ARSK: variants seen among roughly 807,000 people sequenced by gnomAD.
ARSK encodes the protein arylsulfatase K.
ARSK carries 37 observed loss-of-function variants against 53.2 expected under a neutral mutation model. The ratio of observed to expected loss-of-function variants is 0.70; its 90% CI spans 0.54 to 0.92. The LOEUF is 0.92. Ranked by LOEUF, ARSK falls within the 40% of genes least tolerant of loss-of-function variation. The probability of loss-of-function intolerance (pLI) is 0.00; values close to 1 mark genes in which losing one functional copy is unlikely to be tolerated. For missense variants in ARSK, 613 were observed against 643.0 expected, an observed-to-expected ratio of 0.95 and a Z score of 0.51; for synonymous variants, 208 against 223.2, an observed-to-expected ratio of 0.93 and a Z score of 0.61.
chr5:95,568,077 T>C lies in ARSK; in HGVS notation c.416+28T>C, dbSNP rs375471036. On this transcript the variant is annotated intron_variant, in intron 3 of 7. Coordinates refer to ENST00000380009, the MANE Select transcript of ARSK (RefSeq NM_198150.3). ...AAAAATAAAACAAAAATAATCATCA[T>C]GGACTGCCCTCTGCCATAGCGTGTA... is the stretch of plus-strand genomic sequence containing the variant. 1.2e-4 allele frequency: 191 copies of C among 1,608,308 alleles called. 1 individual carries two copies. In the Admixed American group the frequency reaches 2.3e-3, roughly 20 times the overall value.
Position 95,592,901 on chromosome 5 carries a change from C to A in ARSK, c.1096+1276C>A, listed in dbSNP as rs559178538. ...TCTTAGTCATCATTTGCTGGTTTCC[C>A]TTTATCCCAAAGTAATGATCACACT... On this transcript the variant is annotated intron_variant, in intron 6 of 7. Transcript: ENST00000380009. Among the ~76,000 whole-genome samples the A allele has an allele frequency of 1.1e-3, 172 of 152,134 alleles. 2 individuals are homozygous for A. Among genetic ancestry groups the A allele is most frequent in the Non-Finnish European group, 1.8e-3 (123 of 67,960 alleles).
chr5:95,586,666 A>G lies in ARSK; in HGVS notation c.804A>G (p.Thr268=), dbSNP rs1198392025. ...SYTKNCTGRF[T]KKEIKNIRAF... ...CAAAAAACTGCACTGGAAGATTTACAAAAAAAGAAATTAAGAATATTAGAG... is the reference window on the plus strand; with the variant it reads ...CAAAAAACTGCACTGGAAGATTTACGAAAAAAGAAATTAAGAATATTAGAG... The change falls in exon 5 of 8, where the codon ACA becomes ACG. Residue 268 remains threonine (T), a synonymous_variant. Coordinates refer to ENST00000380009, the MANE Select transcript of ARSK (RefSeq NM_198150.3). 6.2e-7 allele frequency: 1 copy of G among 1,611,154 alleles called. No individual in the cohort carries two copies. The highest frequency in any genetic ancestry group is 1.1e-5 in the South Asian group (1 of 90,664).
intron 1 of ARSK, among the ~76,000 whole-genome samples, chr5:95,564,733 T>C (rs1366960731): frequency 6.6e-6 from 1 of 152,196 alleles, no homozygotes; most frequent in Non-Finnish European, 1.5e-5. Context: ...CTGCCTTCTC[T>C]CAGCTGTCAT....
chr5:95,580,427 G>A (rs1014584203), intron 3 of ARSK, among the ~76,000 whole-genome samples: 1 of 152,202 alleles, frequency 6.6e-6, no homozygotes, highest in African/African-American at 2.4e-5. Context: ...CTGATTAAGA[G>A]ACCATCACTC....
At chr5:95,575,167 T>A (rs1748903566) in intron 3 of ARSK, among the ~76,000 whole-genome samples, 1 of 152,178 alleles carries the variant, frequency 6.6e-6, no homozygotes, top group African/African-American at 2.4e-5. Context: ...TGTATGGAGT[T>A]GTTTCTGGGT....
At chr5:95,573,723 C>T (rs1748873645) in intron 3 of ARSK, among the ~76,000 whole-genome samples, 1 of 152,062 alleles carries the variant, frequency 6.6e-6, no homozygotes. Flanking sequence ...TCAAAATAAG[C>T]AGTATTTTTA....
chr5:95,567,807 G>A (rs1748750774), intron 2 of ARSK, 83 bp from the exon 3 acceptor site: 1 of 1,363,602 alleles, frequency 7.3e-7, no homozygotes. Flanking sequence ...TTCACTAGTG[G>A]ACTGCTCTCT....
At chr5:95,591,674 T>C (rs1306682082) in intron 6 of ARSK, 49 bp downstream of exon 6, 2 of 1,582,888 alleles carry the variant, frequency 1.3e-6, no homozygotes, top group Non-Finnish European at 1.7e-6. Context: ...TGCTGGAGAA[T>C]GCAACTGAAG....
chr5:95,560,161 A>G (rs1360125961), intron 1 of ARSK, among the ~76,000 whole-genome samples: 2 of 151,060 alleles, frequency 1.3e-5, no homozygotes, highest in Non-Finnish European at 3.0e-5. Flanking sequence ...ACTACAAAAC[A>G]TTGTTGAAAG....
Position 95,555,303 on chromosome 5 carries a change from G to C in ARSK, c.25G>C (p.Val9Leu). The change falls in exon 1 of 8, where the codon GTC (valine) becomes CTC (leucine). Residue 9 changes from valine to leucine, a missense_variant. Val to Leu is a conservative substitution (Grantham distance 32). Coordinates refer to ENST00000380009, the MANE Select transcript of ARSK (RefSeq NM_198150.3). The surrounding 1 kb of genome is among the most constrained non-coding windows in gnomAD (Gnocchi z 4.0). ...GATGCTACTGCTGTGGGTGTCGGTGGTCGCAGCCTTGGCGCTGGCGGTACT... is the reference window on the plus strand; with the variant it reads ...GATGCTACTGCTGTGGGTGTCGGTGCTCGCAGCCTTGGCGCTGGCGGTACT... MLLLWVSVVAALALAVLAP... is the reference protein window; with the variant it reads MLLLWVSVLAALALAVLAP... 1 of 1,603,196 alleles carries C rather than the reference G, an allele frequency of 6.2e-7. No individual in the cohort carries two copies.
chr5:95,559,782 A>G (rs1748595330), intron 1 of ARSK, among the ~76,000 whole-genome samples: 1 of 152,220 alleles, frequency 6.6e-6, no homozygotes, highest in African/African-American at 2.4e-5. Context: ...TCTGACTAAG[A>G]TCAGGAAGAA....
chr5:95,570,511 CTTGATA>C, intron 3 of ARSK, among the ~76,000 whole-genome samples: 1 of 152,264 alleles, frequency 6.6e-6, no homozygotes, highest in Middle Eastern at 3.4e-3. Flanking sequence ...GGGCAAGTTA[CTTGATA>C]TTGAGTGTCA....
chr5:95,583,949 C>T (rs937735211), intron 4 of ARSK, among the ~76,000 whole-genome samples: 21 of 152,206 alleles, frequency 1.4e-4, no homozygotes, highest in African/African-American at 4.6e-4. Context: ...TTCTTCACAA[C>T]AGCCTTCCTC....
chr5:95,604,539 C>T lies in ARSK; in HGVS notation c.*1013C>T, dbSNP rs909094012. The T allele has an allele frequency of 9.9e-5, 15 of 151,962 alleles. No homozygotes were observed. Among genetic ancestry groups the T allele is most frequent in the African/African-American group, 3.6e-4 (15 of 41,412 alleles). The allele number at this position is 151,962 out of a possible 1,614,324, so 9.4% of individuals were successfully genotyped here. The stretch of plus-strand genomic sequence containing the variant: ...ATTGTTCTGCATGTTGCTTCTTTTT[C>T]CTTTTTTTTTTCACTTAACAGTAGA... On this transcript the variant is annotated 3_prime_UTR_variant, in exon 8 of 8. Transcript: ENST00000380009.
intron 6 of ARSK, chr5:95,600,562 A>T: frequency 1.8e-6 from 1 of 543,476 alleles, no homozygotes; most frequent in Non-Finnish European, 3.5e-6. Flanking sequence ...TACATAAAGT[A>T]TCTTATTTAA....
At chr5:95,587,633 G>A (rs969913136) in intron 5 of ARSK, among the ~76,000 whole-genome samples, 2 of 152,332 alleles carry the variant, frequency 1.3e-5, no homozygotes, top group South Asian at 4.1e-4. Flanking sequence ...GTATAAAAAT[G>A]TATAGGCTCA....
At position 95,560,852 on chromosome 5, in the gene ARSK, C is replaced by G. The variant is rs912561021; in HGVS notation, c.127-5146C>G. 2.0e-5 allele frequency among the ~76,000 whole-genome samples: 3 copies of G among 147,814 alleles called. No homozygotes were observed. In the Middle Eastern group the frequency reaches 0.011, roughly 520 times the overall value. On this transcript the variant is annotated intron_variant, in intron 1 of 7. Coordinates refer to ENST00000380009, the MANE Select transcript of ARSK (RefSeq NM_198150.3). ...TGGAGTCTCGCTCTGTCACCCAGGC[C>G]GGAGTGCAGTGGCGCAATCTCGGCT...
Position 95,603,324 on chromosome 5 carries a change from T to C in ARSK, c.1409T>C (p.Ile470Thr), listed in dbSNP as rs143483992. The change falls in exon 8 of 8, where the codon ATT becomes ACT. Residue 470 changes from isoleucine to threonine, a missense_variant. Ile to Thr is a moderately conservative substitution (Grantham distance 89). Transcript: ENST00000380009. The stretch of plus-strand genomic sequence containing the variant: ...TCTTTGGATCAGAAGCTTCATTCCA[T>C]TATAAACTACCCTAAAGTTTCTGCT... The part of the protein sequence containing the change: ...TYSLDQKLHS[I>T]INYPKVSASV... The C allele has an allele frequency of 1.1e-5, 18 of 1,611,292 alleles. No individual in the cohort carries two copies. The highest frequency in any genetic ancestry group is 1.4e-5 in the Non-Finnish European group (17 of 1,178,694).
intron 6 of ARSK, among the ~76,000 whole-genome samples, chr5:95,597,739 C>CA (rs1334003238): frequency 1.3e-5 from 2 of 151,938 alleles, no homozygotes; most frequent in Non-Finnish European, 2.9e-5. Context: ...ACTAAAAATA[C>CA]AAAAATCAGC....
Sources: gnomAD v4.1 joint callset for allele counts (sites outside exome capture counted in the v4.1 genomes callset) on GRCh38, gnomAD v4.1.1 for gene constraint, Gnocchi (gnomAD v3.1) non-coding constraint, MANE v1.5 for transcripts, NCBI Gene and HGNC (gene_info 2026-07-23, HGNC 2026-07-21) for gene names.